Variants in SRP19 observed in about 807,000 individuals in gnomAD.
SRP19 encodes signal recognition particle 19.
A neutral mutation model predicts 22.4 loss-of-function variants in SRP19; 11 were observed. That is an observed-to-expected ratio of 0.49 (90% CI 0.31 to 0.81). SRP19 has a LOEUF of 0.81. Ranked by LOEUF, SRP19 falls within the 40% of genes least tolerant of loss-of-function variation. SRP19 has a pLI of 0.05. For missense variants in SRP19, 168 were observed against 175.9 expected (o/e 0.96, Z 0.25); for synonymous variants, 61 against 57.6 (o/e 1.06, Z -0.27).
rs1366252717 is a variant in SRP19, at chr5:112,864,672, A to G, written c.241A>G (p.Arg81Gly). Residue 81 changes from arginine to glycine, a missense_variant, in exon 4 of 5, where the codon AGA becomes GGA. Coordinates refer to ENST00000505459, the MANE Select transcript of SRP19 (RefSeq NM_003135.3). ...EWNRDVQYRG[R>G]VRVQLKQEDG... ...GAATCGTGATGTCCAATACAGAGGC[A>G]GAGTCCGGGTCCAGCTCAAACAGGA... 6.2e-7 allele frequency: 1 copy of G among 1,614,186 alleles called. No homozygotes were observed. The highest frequency in any genetic ancestry group is 1.7e-5 in the Admixed American group (1 of 60,024).
exon 5 of SRP19, chr5:112,892,167 T>C (rs61995948): frequency 0.013 from 20,496 of 1,614,196 alleles, 179 homozygotes; most frequent in Middle Eastern, 0.02. Context: ...ATCGAGCTAA[T>C]TGTCCCTTCT....
At chr5:112,893,459 T>A, downstream of SRP19, 1 of 167,928 alleles carries the variant, frequency 6.0e-6, no homozygotes, top group Non-Finnish European at 1.3e-5. Context: ...GCTTTCCATA[T>A]CAGACCATTC....
chr5:112,864,747 A>G lies in SRP19; in HGVS notation c.301+15A>G, dbSNP rs1193765643. 1 of 1,586,896 alleles carries G rather than the reference A, an allele frequency of 6.3e-7. No individual in the cohort carries two copies. On this transcript the variant is annotated intron_variant, in intron 4 of 4. Transcript: ENST00000505459. The stretch of plus-strand genomic sequence containing the variant: ...GTTCCCATCACGTAAGCTTGTTTAA[A>G]TGAATCAGTGGGGCTCAGGGATAGG...
At chr5:112,879,919 C>A (rs150745079) in intron 4 of SRP19, among the ~76,000 whole-genome samples, 8 of 151,878 alleles carry the variant, frequency 5.3e-5, no homozygotes, top group East Asian at 1.9e-4. Context: ...CCCCACCCCC[C>A]ACCTCTATTT....
chr5:112,881,164 A>G (rs1177853215), intron 4 of SRP19, among the ~76,000 whole-genome samples: 2 of 149,648 alleles, frequency 1.3e-5, no homozygotes, highest in Admixed American at 6.6e-5. Flanking sequence ...TGGCAATCCT[A>G]AAGTGGGAGG....
chr5:112,879,047 G>C (rs562536984), intron 4 of SRP19, among the ~76,000 whole-genome samples: 13 of 152,028 alleles, frequency 8.6e-5, no homozygotes, highest in African/African-American at 2.7e-4. Flanking sequence ...AAATACTTGA[G>C]CAAAATACTT....
At chr5:112,895,001 G>T (rs558102715), downstream of SRP19, 5 of 150,514 alleles carry the variant, frequency 3.3e-5, no homozygotes, top group Admixed American at 6.6e-5. Context: ...CACTTTAGGA[G>T]GCCGAGGCAG....
downstream of SRP19, among the ~76,000 whole-genome samples, chr5:112,873,656 ACTT>A (rs1767809187): frequency 6.6e-6 from 1 of 151,380 alleles, no homozygotes; most frequent in South Asian, 2.1e-4. Context: ...CTTCTTTCTA[ACTT>A]CTTTAAGCTC....
At chr5:112,872,722 G>A (rs1301935884), downstream of SRP19, among the ~76,000 whole-genome samples, 1 of 152,146 alleles carries the variant, frequency 6.6e-6, no homozygotes, top group Non-Finnish European at 1.5e-5. Context: ...TCTCACCATT[G>A]TCTGGAGTGA....
At position 112,867,628 on chromosome 5, in the gene SRP19, T is replaced by G; in HGVS notation, c.*91T>G. On this transcript the variant is annotated 3_prime_UTR_variant, in exon 5 of 5. Coordinates refer to ENST00000505459, the MANE Select transcript of SRP19 (RefSeq NM_003135.3). ...TCGGAGGGAAACAGAAGCTTTTTGTTTGCATCATTTAACTGAACTGTGAAC... is the reference window on the plus strand; with the variant it reads ...TCGGAGGGAAACAGAAGCTTTTTGTGTGCATCATTTAACTGAACTGTGAAC... 1 of 1,407,592 alleles carries G rather than the reference T, an allele frequency of 7.1e-7. No homozygotes were observed. Among genetic ancestry groups the G allele is most frequent in the Admixed American group, 2.9e-5 (1 of 34,244 alleles). The allele number at this position is 1,407,592 out of a possible 1,614,324, so 87.2% of individuals were successfully genotyped here. A position where few individuals can be genotyped will look rare whatever the true frequency, so the allele number is the denominator to read the frequency against.
intron 4 of SRP19, among the ~76,000 whole-genome samples, chr5:112,879,609 G>A (rs1580725844): frequency 1.3e-5 from 2 of 152,098 alleles, no homozygotes; most frequent in East Asian, 1.9e-4. Flanking sequence ...GAGTAGCTGG[G>A]ACTACATGCA....
intron 4 of SRP19, among the ~76,000 whole-genome samples, chr5:112,882,855 G>A (rs955775825): frequency 3.3e-5 from 5 of 151,942 alleles, no homozygotes; most frequent in African/African-American, 7.3e-5. Flanking sequence ...CTCTCAATTG[G>A]CCTTCCTACT....
At chr5:112,877,981 CTGTGTGTGTGTGTGTGTGTGTGTG>C (rs60109818) in intron 4 of SRP19, 5 of 147,530 alleles carry the variant, frequency 3.4e-5, no homozygotes, top group Admixed American at 6.8e-5. Context: ...ACAGGTTACT[CTGTGTGTGTGTGTGTGTGTGTGTG>C]TGTGTGTGTG....
At chr5:112,863,379 C>T (rs944768684) in intron 2 of SRP19, among the ~76,000 whole-genome samples, 7 of 152,120 alleles carry the variant, frequency 4.6e-5, no homozygotes, top group Non-Finnish European at 1.0e-4. Flanking sequence ...AATAGCAGCA[C>T]CATTGCCGAT....
Position 112,867,395 on chromosome 5 carries a change from G to C in SRP19, c.302-9G>C. 6.2e-7 allele frequency: 1 copy of C among 1,608,698 alleles called. No individual in the cohort carries two copies. ...AGATTATACACTAAGCCTAACTTCTGGTTCCTAGGTAAGTCAGTAATGTTG... is the reference window on the plus strand; with the variant it reads ...AGATTATACACTAAGCCTAACTTCTCGTTCCTAGGTAAGTCAGTAATGTTG... On this transcript the variant is annotated splice_polypyrimidine_tract_variant and intron_variant, in intron 4 of 4. Coordinates refer to ENST00000505459, the MANE Select transcript of SRP19 (RefSeq NM_003135.3).
At chr5:112,888,855 C>G (rs1315251604) in intron 4 of SRP19, among the ~76,000 whole-genome samples, 3 of 150,692 alleles carry the variant, frequency 2.0e-5, no homozygotes, top group African/African-American at 7.4e-5. Flanking sequence ...CCACCCAAAT[C>G]TCATCTTGAA....
chr5:112,870,073 A>G (rs888934729), downstream of SRP19, among the ~76,000 whole-genome samples: 3 of 152,222 alleles, frequency 2.0e-5, no homozygotes, highest in South Asian at 2.1e-4. Flanking sequence ...ATATTGTGCT[A>G]TACTCACCTG....
At chr5:112,883,477 C>T (rs776133550) in intron 4 of SRP19, among the ~76,000 whole-genome samples, 1 of 152,172 alleles carries the variant, frequency 6.6e-6, no homozygotes, top group Non-Finnish European at 1.5e-5. Context: ...CTTGCTACCT[C>T]AATTGGCCAC....
chr5:112,891,874 G>A lies in SRP19; in HGVS notation c.*267G>A, dbSNP rs531618958. 96 of 1,452,596 alleles carry A rather than the reference G, an allele frequency of 6.6e-5. No homozygotes were observed. In the East Asian group the frequency reaches 2.1e-3, roughly 31 times the overall value. 90.0% of individuals were successfully genotyped at this position (1,452,596 alleles called of 1,614,324 possible). A position where few individuals can be genotyped will look rare whatever the true frequency, so the allele number is the denominator to read the frequency against. ...AAGAGAGAGGGAAAGATTACATGAG[G>A]AGTGGTTGCTGAGGGAGCAGAAGGC... On this transcript the variant is annotated 3_prime_UTR_variant, in exon 5 of 5. Transcript: ENST00000391338.
Sources: gnomAD v4.1 joint callset for allele counts (sites outside exome capture counted in the v4.1 genomes callset) on GRCh38, gnomAD v4.1.1 for gene constraint, MANE v1.5 for transcripts, NCBI Gene and HGNC (gene_info 2026-07-23, HGNC 2026-07-21) for gene names.